The following DNAAF9 variants were observed in gnomAD, a reference collection of about 807,000 sequenced individuals.
DNAAF9 encodes dynein axonemal assembly factor 9.
In DNAAF9, 90 loss-of-function variants were observed where a neutral mutation model predicts 167.0. The observed-to-expected ratio is 0.54, with a 90% CI of 0.45 to 0.64. DNAAF9 has a LOEUF of 0.64. DNAAF9 is among the 30% of genes least tolerant of loss of function. The pLI is 0.00. For synonymous variants in DNAAF9, 491 were observed against 508.8 expected (o/e 0.96, Z 0.47); for missense variants, 1,315 against 1,442.2 (o/e 0.91, Z 1.43).
intron 30 of DNAAF9, among the ~76,000 whole-genome samples, chr20:3,269,085 T>A (rs577555374): frequency 1.3e-5 from 2 of 151,908 alleles, no homozygotes; most frequent in Non-Finnish European, 2.9e-5. Context: ...TGTATTTTTT[T>A]AAATATAGAG....
intron 20 of DNAAF9, among the ~76,000 whole-genome samples, chr20:3,308,096 G>A (rs532759407): frequency 1.3e-5 from 2 of 151,872 alleles, no homozygotes; most frequent in Non-Finnish European, 2.9e-5. Context: ...TCCTCAATGA[G>A]AGCCCTTCTC....
At chr20:3,359,795 T>C (rs1413991814) in intron 6 of DNAAF9, among the ~76,000 whole-genome samples, 3 of 152,250 alleles carry the variant, frequency 2.0e-5, no homozygotes, top group Non-Finnish European at 4.4e-5. Flanking sequence ...TCAGAAACTT[T>C]GGTACTGATT....
At chr20:3,330,426 G>C (rs541095272) in intron 12 of DNAAF9, among the ~76,000 whole-genome samples, 32 of 152,006 alleles carry the variant, frequency 2.1e-4, no homozygotes, top group South Asian at 6.2e-4. Context: ...ATTTTCTGTA[G>C]AGACAGGGTC....
chr20:3,316,738 T>G lies in DNAAF9; in HGVS notation c.1524A>C (p.Arg508Ser), dbSNP rs778202117. The part of the protein sequence containing the change: ...SSVVLTAAVP[R>S]FCSWLVEDNE... ...TGACACTAACCAGCCAGGAGCAGAATCTGGGTACAGCAGCAGTCAGGACTA... is the reference window on the plus strand; with the variant it reads ...TGACACTAACCAGCCAGGAGCAGAAGCTGGGTACAGCAGCAGTCAGGACTA... Residue 508 changes from arginine (R) to serine (S), a missense_variant, in exon 18 of 37, where the codon AGA becomes AGC. By Grantham distance (110) the Arg-to-Ser change is moderately radical. Coordinates refer to ENST00000252032, the MANE Select transcript of DNAAF9 (RefSeq NM_001009984.3). 1 of 1,613,514 alleles carries G rather than the reference T, an allele frequency of 6.2e-7. No homozygotes were observed. Among genetic ancestry groups the G allele is most frequent in the South Asian group, 1.1e-5 (1 of 91,070 alleles).
rs376319465 is a variant in DNAAF9, at chr20:3,266,663, G to C, written c.2787-2139C>G. ...CGGCTTATTTTTTGTATTTTTAGTA[G>C]AGATGGGGTTTCACCGTGTTGGCCA... On this transcript the variant is annotated intron_variant, in intron 30 of 36. Coordinates refer to ENST00000252032, the MANE Select transcript of DNAAF9 (RefSeq NM_001009984.3). 2.8e-3 allele frequency among the ~76,000 whole-genome samples: 418 copies of C among 151,770 alleles called. 1 individual carries two copies. The highest frequency in any genetic ancestry group is 9.5e-3 in the African/African-American group (393 of 41,384).
At chr20:3,255,865 C>T in intron 34 of DNAAF9, 141 bp downstream of exon 34, 2 of 647,940 alleles carry the variant, frequency 3.1e-6, no homozygotes, top group Non-Finnish European at 5.5e-6. Context: ...CAAAGTGTCC[C>T]TGCAAGTGCT....
At chr20:3,337,440 G>GTTTTTT (rs55881467) in intron 10 of DNAAF9, among the ~76,000 whole-genome samples, 6 of 134,402 alleles carry the variant, frequency 4.5e-5, no homozygotes, top group Admixed American at 1.5e-4. Context: ...CTTTTTTTTT[G>GTTTTTT]TTTTTTTTTT....
At chr20:3,262,584 A>ACT (rs2068411164) in intron 31 of DNAAF9, among the ~76,000 whole-genome samples, 1 of 151,192 alleles carries the variant, frequency 6.6e-6, no homozygotes, top group Non-Finnish European at 1.5e-5. Context: ...CTCTTACCCT[A>ACT]CTCTCTCCTG....
chr20:3,274,778 G>T (rs565552325), intron 29 of DNAAF9, among the ~76,000 whole-genome samples: 8 of 152,306 alleles, frequency 5.3e-5, no homozygotes, highest in African/African-American at 1.7e-4. Flanking sequence ...ACTTCTCCCT[G>T]TACATAGAGG....
intron 3 of DNAAF9, among the ~76,000 whole-genome samples, chr20:3,378,595 C>T (rs545211149): frequency 1.2e-4 from 19 of 152,128 alleles, no homozygotes; most frequent in Non-Finnish European, 2.5e-4. Context: ...ACCAGAGGCC[C>T]CATTCTATGG....
At chr20:3,397,993 C>T (rs980029890) in intron 1 of DNAAF9, among the ~76,000 whole-genome samples, 2 of 152,164 alleles carry the variant, frequency 1.3e-5, no homozygotes, top group African/African-American at 4.8e-5. Flanking sequence ...AGCACACTTT[C>T]CATTTCTACC....
At chr20:3,401,764 G>A (rs746682217) in intron 1 of DNAAF9, among the ~76,000 whole-genome samples, 1 of 152,158 alleles carries the variant, frequency 6.6e-6, no homozygotes. Context: ...CTTTCCAGGG[G>A]TGATAGAGAA....
rs2422868 is a variant in DNAAF9, at chr20:3,315,992, T to A, written c.1540-207A>T. On this transcript the variant is annotated intron_variant, in intron 18 of 36. Transcript: ENST00000252032. The surrounding 1 kb of genome is among the most constrained non-coding windows in gnomAD (Gnocchi z 4.1). ...CCAAGGCCTTGGTGGGCTCTCTCAC[T>A]AGGACCTGAGGTCCAGCTAATGAGC... is the stretch of plus-strand genomic sequence containing the variant. 0.27 allele frequency: 163,272 copies of A among 597,652 alleles called. 23,069 individuals carry two copies. Among genetic ancestry groups the A allele is most frequent in the East Asian group, 0.35 (12,760 of 35,972 alleles). 37.0% of individuals were successfully genotyped at this position (597,652 alleles called of 1,614,324 possible).
At position 3,381,582 on chromosome 20, in the gene DNAAF9, CCT is replaced by C; in HGVS notation, c.164-86_164-85del. 6 of 1,418,260 alleles carry C rather than the reference CCT, an allele frequency of 4.2e-6. No homozygotes were observed. The African/African-American group carries it at 4.3e-5, about 10-fold the overall frequency. The allele number at this position is 1,418,260 out of a possible 1,614,324, so 87.9% of individuals were successfully genotyped here. A position where few individuals can be genotyped will look rare whatever the true frequency, so the allele number is the denominator to read the frequency against. On this transcript the variant is annotated intron_variant, in intron 2 of 36. Transcript: ENST00000252032. ...ATAATTTGCCCCTGCTTAGCAAAAC[CCT>C]GATGATCAAGCTGAAGGACGCAGCT...
chr20:3,376,365 C>T lies in DNAAF9; in HGVS notation c.284-63G>A, dbSNP rs768106837. 13 of 1,354,958 alleles carry T rather than the reference C, an allele frequency of 9.6e-6. No homozygotes were observed. The East Asian group carries it at 1.2e-4, about 13-fold the overall frequency. 83.9% of individuals were successfully genotyped at this position (1,354,958 alleles called of 1,614,324 possible). ...ACACATTTCTTTTAGATATTTTCTGCCCACATAATTAGTAAAACCATTGAA... is the reference window on the plus strand; with the variant it reads ...ACACATTTCTTTTAGATATTTTCTGTCCACATAATTAGTAAAACCATTGAA... On this transcript the variant is annotated intron_variant, in intron 3 of 36. Transcript: ENST00000252032.
At chr20:3,328,671 C>T (rs2069761727) in intron 12 of DNAAF9, among the ~76,000 whole-genome samples, 1 of 152,002 alleles carries the variant, frequency 6.6e-6, no homozygotes, top group African/African-American at 2.4e-5. Flanking sequence ...AGCGCTGGCA[C>T]AGAAGTACAA....
chr20:3,343,994 A>T (rs1034807728), intron 8 of DNAAF9, among the ~76,000 whole-genome samples: 1 of 152,144 alleles, frequency 6.6e-6, no homozygotes, highest in African/African-American at 2.4e-5. Context: ...CAAACAAAAT[A>T]ATACCAAAAA....
chr20:3,290,036 A>T, intron 26 of DNAAF9, 93 bp downstream of exon 26: 1 of 787,104 alleles, frequency 1.3e-6, no homozygotes, highest in East Asian at 2.5e-5. Context: ...TACCAGTCCC[A>T]CCAAGGCCAG....
In DNAAF9 at chr20:3,295,222, G is replaced by A. The variant is rs143717360; in HGVS notation, c.2019-593C>T. ...GAGTCTGGCTCTGTCACCCAGGCTG[G>A]AATGCAGTGGCACGATCTCGGCTCA... On this transcript the variant is annotated intron_variant, in intron 23 of 36. Coordinates refer to ENST00000252032, the MANE Select transcript of DNAAF9 (RefSeq NM_001009984.3). 9.0e-3 allele frequency among the ~76,000 whole-genome samples: 1,363 copies of A among 151,484 alleles called. 20 individuals are homozygous for A. Among genetic ancestry groups the A allele is most frequent in the African/African-American group, 0.032 (1,309 of 41,202 alleles).
Sources: gnomAD v4.1 joint callset for allele counts (sites outside exome capture counted in the v4.1 genomes callset) on GRCh38, gnomAD v4.1.1 for gene constraint, Gnocchi (gnomAD v3.1) non-coding constraint, MANE v1.5 for transcripts, NCBI Gene and HGNC (gene_info 2026-07-23, HGNC 2026-07-21) for gene names.